The following NAV2 variants were observed in gnomAD, a reference collection of about 807,000 sequenced individuals.
The protein encoded by NAV2 is helicase, APC down-regulated 1.
A neutral mutation model predicts 223.2 loss-of-function variants in NAV2; 54 were observed. The ratio of observed to expected loss-of-function variants is 0.24; its 90% CI spans 0.19 to 0.30. The LOEUF is 0.30. NAV2 is among the 10% of genes least tolerant of loss of function. NAV2 has a pLI of 1.00. For missense variants in NAV2, 2,806 were observed against 3,147.5 expected, an observed-to-expected ratio of 0.89 and a Z score of 2.60; for synonymous variants, 1,279 against 1,239.3, an observed-to-expected ratio of 1.03 and a Z score of -0.67.
intron 1 of NAV2, among the ~76,000 whole-genome samples, chr11:19,686,273 T>C (rs2049020670): frequency 6.6e-6 from 1 of 152,162 alleles, no homozygotes; most frequent in Non-Finnish European, 1.5e-5. Flanking sequence ...TTCCTTTGAG[T>C]AACCTGTCTC....
At chr11:19,384,913 C>T (rs921318429) in intron 1 of NAV2, 48 of 152,150 alleles carry the variant, frequency 3.2e-4, no homozygotes, top group African/African-American at 1.1e-3. Context: ...GAATCACAGA[C>T]TGAAAGAATA....
intron 1 of NAV2, among the ~76,000 whole-genome samples, chr11:19,478,019 C>G: frequency 6.6e-6 from 1 of 152,172 alleles, no homozygotes; most frequent in East Asian, 1.9e-4. Context: ...TTGCTATAAG[C>G]AAGGATCTTC....
In NAV2 at chr11:19,713,360, T is replaced by C; in HGVS notation, c.-336T>C. 8.7e-7 allele frequency: 1 copy of C among 1,153,172 alleles called. No individual in the cohort carries two copies. The highest frequency in any genetic ancestry group is 1.1e-6 in the Non-Finnish European group (1 of 938,884). The allele number at this position is 1,153,172 out of a possible 1,614,324, so 71.4% of individuals were successfully genotyped here. On this transcript the variant is annotated 5_prime_UTR_variant, in exon 1 of 38. Transcript: ENST00000349880. This position sits in a 1 kb window ranked among gnomAD's most constrained non-coding sequence, Gnocchi z 7.2. ...GTTAATATGGGCGTCCAAGCCTCTGTTTCCCAGGAGGAAATTTGCAAGAGG... is the reference window on the plus strand; with the variant it reads ...GTTAATATGGGCGTCCAAGCCTCTGCTTCCCAGGAGGAAATTTGCAAGAGG...
intron 1 of NAV2, among the ~76,000 whole-genome samples, chr11:19,603,495 C>G (rs540530478): frequency 1.3e-5 from 2 of 151,940 alleles, no homozygotes; most frequent in East Asian, 3.9e-4. Context: ...GGCATGGTGG[C>G]ATGCGCCTGT....
At chr11:19,945,182 C>T (rs1169533266) in intron 8 of NAV2, among the ~76,000 whole-genome samples, 1 of 82,516 alleles carries the variant, frequency 1.2e-5, no homozygotes, top group African/African-American at 5.5e-5. Context: ...CTTCCCTTCC[C>T]TTCCCTTCCC....
intron 4 of NAV2, 48 bp downstream of exon 4, chr11:19,869,045 G>A (rs754179092): frequency 2.0e-6 from 3 of 1,533,780 alleles, no homozygotes; most frequent in South Asian, 1.1e-5. Flanking sequence ...CATTAGAAAT[G>A]CCCACCTGTT....
At position 19,990,681 on chromosome 11, in the gene NAV2, A is replaced by T. The variant is rs961254398; in HGVS notation, c.2768+6434A>T. On this transcript the variant is annotated intron_variant, in intron 11 of 37. Coordinates refer to ENST00000349880, the MANE Select transcript of NAV2 (RefSeq NM_145117.5). ...AGTATTTGAGCCTTATCTCCCCTAC[A>T]TACATGTGGTAGAGGTGAGAGAATC... 2.6e-5 allele frequency among the ~76,000 whole-genome samples: 4 copies of T among 152,144 alleles called. No individual in the cohort carries two copies. In the East Asian group the frequency reaches 7.7e-4, roughly 29 times the overall value.
In NAV2 at chr11:20,045,314, A is replaced by G; in HGVS notation, c.3546A>G (p.Leu1182=). 6.2e-7 allele frequency: 1 copy of G among 1,614,136 alleles called. No homozygotes were observed. Among genetic ancestry groups the G allele is most frequent in the South Asian group, 1.1e-5 (1 of 91,084 alleles). ...ATCAGGATGACGGGTATCTAGCCCTAAGCTCCCGGACAAACCTTCAGTACC... is the reference window on the plus strand; with the variant it reads ...ATCAGGATGACGGGTATCTAGCCCTGAGCTCCCGGACAAACCTTCAGTACC... ...AQNQDDGYLA[L]SSRTNLQYRS... is the part of the protein sequence containing the mutation. Residue 1182 remains leucine, a synonymous_variant, in exon 14 of 38, where the codon CTA becomes CTG. Transcript: ENST00000349880.
chr11:19,411,294 C>T (rs1850134630), intron 1 of NAV2, among the ~76,000 whole-genome samples: 1 of 152,186 alleles, frequency 6.6e-6, no homozygotes, highest in Admixed American at 6.5e-5. Context: ...CCATTGAAAG[C>T]CACTGGGTTG....
chr11:19,672,676 A>C (rs1221827154), intron 1 of NAV2, among the ~76,000 whole-genome samples: 2 of 152,094 alleles, frequency 1.3e-5, no homozygotes, highest in Non-Finnish European at 2.9e-5. Context: ...AGCAGCAGAG[A>C]GAGGACATGG....
At chr11:19,437,361 C>T (rs1810796580) in intron 1 of NAV2, among the ~76,000 whole-genome samples, 2 of 152,176 alleles carry the variant, frequency 1.3e-5, no homozygotes, top group South Asian at 4.2e-4. Context: ...GTCTTGGTGT[C>T]ATCCTTTAAA....
intron 1 of NAV2, among the ~76,000 whole-genome samples, chr11:19,650,812 C>A (rs1243330138): frequency 6.6e-6 from 1 of 151,734 alleles, no homozygotes; most frequent in East Asian, 1.9e-4. Flanking sequence ...AGATAGAGGC[C>A]AAACAAAAAA....
chr11:19,644,556 T>C (rs1047764541), intron 1 of NAV2, among the ~76,000 whole-genome samples: 2 of 152,208 alleles, frequency 1.3e-5, no homozygotes, highest in Non-Finnish European at 2.9e-5. Flanking sequence ...TTCCTGTGGG[T>C]TCCTTTGCTT....
intron 1 of NAV2, among the ~76,000 whole-genome samples, chr11:19,446,314 C>T (rs1234508905): frequency 6.6e-6 from 1 of 152,084 alleles, no homozygotes; most frequent in African/African-American, 2.4e-5. Flanking sequence ...CTAGATGCCT[C>T]CATGTTTTTA....
At chr11:19,505,654 C>CA (rs1327124577) in intron 1 of NAV2, 1 of 152,214 alleles carries the variant, frequency 6.6e-6, no homozygotes, top group Admixed American at 6.5e-5. Flanking sequence ...GCCATTCCTA[C>CA]AGCAGTTGGA....
chr11:19,953,209 C>CA (rs1231753079), intron 10 of NAV2, among the ~76,000 whole-genome samples: 6 of 151,816 alleles, frequency 4.0e-5, no homozygotes, highest in Non-Finnish European at 8.8e-5. Context: ...CCTTTATGGA[C>CA]AAAAAAATGA....
rs138521927 is a variant in NAV2 at position 20,037,975 on chromosome 11, C to CAG, written c.2907+1896_2907+1897dup. Among the ~76,000 whole-genome samples the CAG allele has an allele frequency of 7.7e-3, 1,159 of 150,420 alleles. 13 individuals carry two copies. Among genetic ancestry groups the CAG allele is most frequent in the African/African-American group, 0.026 (1,079 of 41,066 alleles). ...AGGAGGCAGGCTATTAGAGGTACTG[C>CAG]AGAGAGAGAGAGAGAGAGATCCATG... On this transcript the variant is annotated intron_variant, in intron 12 of 37. Coordinates refer to ENST00000349880, the MANE Select transcript of NAV2 (RefSeq NM_145117.5).
rs139761778 is a variant in NAV2 at position 19,576,439 on chromosome 11, T to C, written c.75+225412T>C. ...CTATTACAAAAATAATGCATACTAA[T>C]TGTAGAGAATTTGGGGAGAAATACA... On this transcript the variant is annotated intron_variant, in intron 1 of 37. Coordinates refer to the NAV2 transcript ENST00000360655. 2.3e-4 allele frequency among the ~76,000 whole-genome samples: 35 copies of C among 152,338 alleles called. No individual in the cohort carries two copies. In the East Asian group the frequency reaches 6.7e-3, roughly 29 times the overall value.
chr11:19,668,891 A>G lies in NAV2; in HGVS notation c.76-163593A>G, dbSNP rs74422941. ...TGCAGGTAACAGACAATAATCTCCT[A>G]TTTCATGCTTGTTGAGTGTTTCCCT... On this transcript the variant is annotated intron_variant, in intron 1 of 37. Transcript: ENST00000360655. Among the ~76,000 whole-genome samples, 892 of 152,232 alleles carry G rather than the reference A, an allele frequency of 5.9e-3. 13 individuals are homozygous for G. The highest frequency in any genetic ancestry group is 0.02 in the African/African-American group (850 of 41,540).
Sources: allele counts gnomAD v4.1 joint callset (sites outside exome capture counted in the v4.1 genomes callset), GRCh38; gene constraint gnomAD v4.1.1; non-coding constraint Gnocchi (gnomAD v3.1); transcripts MANE v1.5; gene names NCBI Gene and HGNC (gene_info 2026-07-23, HGNC 2026-07-21).